The following USF3 variants were observed in gnomAD, a reference collection of about 807,000 sequenced individuals.
USF3 encodes upstream transcription factor family member 3.
In USF3, 29 loss-of-function variants were observed where a neutral mutation model predicts 157.5. That is an observed-to-expected ratio of 0.18 (90% confidence interval 0.14 to 0.25). The LOEUF is 0.25. USF3 is among the 10% of genes least tolerant of loss of function. The pLI is 1.00. For synonymous variants in USF3, 893 were observed against 941.4 expected (o/e 0.95, Z 0.94); for missense variants, 2,381 against 2,667.6 (o/e 0.89, Z 2.37).
intron 4 of USF3, 70 bp from the exon 5 acceptor site, chr3:113,670,273 AAAG>A: frequency 1.1e-6 from 1 of 894,714 alleles, no homozygotes; most frequent in South Asian, 1.3e-5. Flanking sequence ...CAACCACGGT[AAAG>A]AAGTTTTAGG....
Position 113,648,778 on chromosome 3 carries a change from G to A in USF3, c.*6166C>T, listed in dbSNP as rs1486905939. ...GAAAGCACTAAAATTAGTTTTTTTT[G>A]GGTGACTGCCCTACAGTAAGCTTCT... On this transcript the variant is annotated 3_prime_UTR_variant, in exon 7 of 7. Coordinates refer to ENST00000316407, the MANE Select transcript of USF3 (RefSeq NM_001009899.4). The A allele has an allele frequency of 1.3e-5, 2 of 152,136 alleles. No individual in the cohort carries two copies. The highest frequency in any genetic ancestry group is 4.8e-5 in the African/African-American group (2 of 41,308). The allele number at this position is 152,136 out of a possible 1,614,324, so 9.4% of individuals were successfully genotyped here.
chr3:113,683,009 TTTG>T (rs2107954689), intron 1 of USF3, among the ~76,000 whole-genome samples: 1 of 152,102 alleles, frequency 6.6e-6, no homozygotes, highest in East Asian at 1.9e-4. Context: ...CTCCCACCAT[TTTG>T]TTATTTGTTT....
At position 113,655,507 on chromosome 3, in the gene USF3, G is replaced by C. The variant is rs376015347; in HGVS notation, c.6175C>G (p.Leu2059Val). 2.4e-5 allele frequency: 38 copies of C among 1,614,010 alleles called. No homozygotes were observed. Among genetic ancestry groups the C allele is most frequent in the Admixed American group, 1.3e-4 (8 of 60,004 alleles). ...AAAGAAAAACCAAAATTTTGTGATA[G>C]TGTATGCTGGTCAGGACCTGAATTA... ...NDNSGPDQHT[L>V]SQNFGFSFIP... The change falls in exon 7 of 7, where the codon CTA becomes GTA. Residue 2059 changes from leucine to valine, a missense_variant. Leu to Val is a conservative substitution (Grantham distance 32). Transcript: ENST00000316407.
In USF3 at chr3:113,658,641, T is replaced by C. The variant is rs760706235; in HGVS notation, c.3041A>G (p.Lys1014Arg). 1.9e-6 allele frequency: 3 copies of C among 1,614,082 alleles called. No individual in the cohort carries two copies. In the South Asian group the frequency reaches 3.3e-5, roughly 18 times the overall value. Residue 1014 changes from lysine (K) to arginine (R), a missense_variant, in exon 7 of 7, where the codon AAA becomes AGA. Lys to Arg is a conservative substitution (Grantham distance 26). This residue lies in a region of USF3 where 1,435 missense variants were observed against 1,550.9 expected (regional missense o/e 0.93). Coordinates refer to ENST00000316407, the MANE Select transcript of USF3 (RefSeq NM_001009899.4). ...AAGAGATGATTTCTGAGGGTTTTTTTTTTTAGCAAGATCAGATAGCAATGT... is the reference window on the plus strand; with the variant it reads ...AAGAGATGATTTCTGAGGGTTTTTTCTTTTAGCAAGATCAGATAGCAATGT... ...LTTLLSDLAK[K>R]KNPQKSSLSD...
At chr3:113,671,859 C>G (rs1009447259) in intron 4 of USF3, among the ~76,000 whole-genome samples, 8 of 147,822 alleles carry the variant, frequency 5.4e-5, no homozygotes, top group Non-Finnish European at 8.9e-5. Flanking sequence ...GTCTTGACTT[C>G]CCAGGCTCAA....
chr3:113,656,032 C>T lies in USF3; in HGVS notation c.5650G>A (p.Gly1884Ser), dbSNP rs1389141941. The T allele has an allele frequency of 6.2e-7, 1 of 1,614,172 alleles. No homozygotes were observed. Among genetic ancestry groups the T allele is most frequent in the African/African-American group, 1.3e-5 (1 of 75,042 alleles). Residue 1884 changes from glycine to serine, a missense_variant, in exon 7 of 7, where the codon GGT (glycine) becomes AGT (serine). By Grantham distance (56) the Gly-to-Ser change is moderately conservative (BLOSUM62 0). Coordinates refer to ENST00000316407, the MANE Select transcript of USF3 (RefSeq NM_001009899.4). Reference sequence around the variant, plus strand: ...GTGCTGTTCCTGGTGTTAATTGCACCTAACGACATGTCACAACTTTCCCTA... The same window carrying T: ...GTGCTGTTCCTGGTGTTAATTGCACTTAACGACATGTCACAACTTTCCCTA... Reference protein sequence around the residue: ...QNRESCDMSLGAINTRNSTLN... With the variant: ...QNRESCDMSLSAINTRNSTLN...
chr3:113,679,009 G>GTCTCTC (rs373834496), intron 1 of USF3, among the ~76,000 whole-genome samples: 27,625 of 143,906 alleles, frequency 0.19, 2,729 homozygotes, highest in Non-Finnish European at 0.24. Flanking sequence ...CCAGGCTGGT[G>GTCTCTC]TCTCTCTCTC....
Position 113,658,248 on chromosome 3 carries a change from T to C in USF3, c.3434A>G (p.Asn1145Ser). ...GAGGCCAACTCTCCCCTTCTCAAGG[T>C]TCTCCTGGTCAAAAATAGCTCTTGC... Reference protein sequence around the residue: ...LAARAIFDQENLEKGRVGLQA... With the variant: ...LAARAIFDQESLEKGRVGLQA... Residue 1145 changes from asparagine to serine, a missense_variant, in exon 7 of 7, where the codon AAC (asparagine) becomes AGC (serine). Around this residue, in one of 6 missense-constraint regions of USF3, gnomAD observed 1,435 missense variants for 1,550.9 expected, o/e 0.93. Transcript: ENST00000316407. 2 of 1,614,140 alleles carry C rather than the reference T, an allele frequency of 1.2e-6. No individual in the cohort carries two copies. The highest frequency in any genetic ancestry group is 1.7e-6 in the Non-Finnish European group (2 of 1,180,006).
Position 113,656,651 on chromosome 3 carries a change from T to C in USF3, c.5031A>G (p.Thr1677=). 1 of 1,614,210 alleles carries C rather than the reference T, an allele frequency of 6.2e-7. No homozygotes were observed. The highest frequency in any genetic ancestry group is 8.5e-7 in the Non-Finnish European group (1 of 1,180,030). Residue 1677 remains threonine, a synonymous_variant, in exon 7 of 7, where the codon ACA becomes ACG. Transcript: ENST00000316407. ...CCATTCTCTGCTCTGAATTAGAAGA[T>C]GTCTTTCCAATGAGTGCCTCAGCAG... ...SYSAEALIGK[T]SSNSEQRMGI...
intron 1 of USF3, among the ~76,000 whole-genome samples, chr3:113,678,339 AT>A (rs888496564): frequency 5.5e-4 from 82 of 149,994 alleles, no homozygotes; most frequent in South Asian, 2.5e-3. Context: ...CATCTAGAGT[AT>A]TTTTTTTTTC....
intron 4 of USF3, among the ~76,000 whole-genome samples, chr3:113,672,942 C>G (rs1056258638): frequency 1.3e-5 from 2 of 152,200 alleles, no homozygotes; most frequent in African/African-American, 2.4e-5. Flanking sequence ...TAAGACTGTT[C>G]ACATTACAAG....
chr3:113,677,766 C>T (rs1294505097), intron 1 of USF3, among the ~76,000 whole-genome samples: 1 of 152,192 alleles, frequency 6.6e-6, no homozygotes, highest in Non-Finnish European at 1.5e-5. Flanking sequence ...AATTATCTTT[C>T]CTTCAATTTC....
rs768931969 is a variant in USF3 at position 113,659,597 on chromosome 3, G to A, written c.2085C>T (p.Thr695=). 20 of 1,613,916 alleles carry A rather than the reference G, an allele frequency of 1.2e-5. No individual in the cohort carries two copies. Among genetic ancestry groups the A allele is most frequent in the Admixed American group, 6.7e-5 (4 of 60,008 alleles). The change falls in exon 7 of 7, where the codon ACC becomes ACT. Residue 695 remains threonine, a synonymous_variant. Coordinates refer to ENST00000316407, the MANE Select transcript of USF3 (RefSeq NM_001009899.4). The stretch of plus-strand genomic sequence containing the variant: ...CAACATTGGTATTTGGATCTTCGCT[G>A]GTGGTGGGTTGAATAATTTGCATAG... ...QTPMQIIQPT[T]SEDPNTNVAL... is the part of the protein sequence containing the mutation.
At position 113,657,994 on chromosome 3, in the gene USF3, T is replaced by C. The variant is rs1421374895; in HGVS notation, c.3688A>G (p.Thr1230Ala). 1.9e-6 allele frequency: 3 copies of C among 1,614,192 alleles called. No homozygotes were observed. Among genetic ancestry groups the C allele is most frequent in the Non-Finnish European group, 2.5e-6 (3 of 1,180,036 alleles). ...CTGGTGATGCTTGGTGGCTGAGAAGTTGAATCCTGTAAAGATGCATTTGAT... is the reference window on the plus strand; with the variant it reads ...CTGGTGATGCTTGGTGGCTGAGAAGCTGAATCCTGTAAAGATGCATTTGAT... ...KTSNASLQDS[T>A]SQPPSITSLS... Residue 1230 changes from threonine to alanine, a missense_variant, in exon 7 of 7, where the codon ACT becomes GCT. Around this residue, in one of 6 missense-constraint regions of USF3, gnomAD observed 1,435 missense variants for 1,550.9 expected, o/e 0.93. Transcript: ENST00000316407.
At chr3:113,665,875 T>C (rs1476145636) in intron 5 of USF3, among the ~76,000 whole-genome samples, 2 of 151,176 alleles carry the variant, frequency 1.3e-5, no homozygotes, top group East Asian at 3.9e-4. Flanking sequence ...GATTTTGTAT[T>C]TCCTTACATT....
At position 113,655,517 on chromosome 3, in the gene USF3, G is replaced by A; in HGVS notation, c.6165C>T (p.Asp2055=). The A allele has an allele frequency of 6.2e-7, 1 of 1,614,114 alleles. No individual in the cohort carries two copies. Among genetic ancestry groups the A allele is most frequent in the Non-Finnish European group, 8.5e-7 (1 of 1,180,008 alleles). Residue 2055 remains aspartate, a synonymous_variant, in exon 7 of 7, where the codon GAC becomes GAT. Transcript: ENST00000316407. ...CAAAATTTTGTGATAGTGTATGCTG[G>A]TCAGGACCTGAATTATCATTAGGTA... is the stretch of plus-strand genomic sequence containing the variant. ...PQVPNDNSGP[D]QHTLSQNFGF...
In USF3 at chr3:113,659,545, T is replaced by C; in HGVS notation, c.2137A>G (p.Ser713Gly). The C allele has an allele frequency of 6.2e-7, 1 of 1,614,200 alleles. No homozygotes were observed. Among genetic ancestry groups the C allele is most frequent in the Non-Finnish European group, 8.5e-7 (1 of 1,180,018 alleles). The change falls in exon 7 of 7, where the codon AGC (serine) becomes GGC (glycine). Residue 713 changes from serine to glycine, a missense_variant. Physicochemically the swap from Ser to Gly is moderately conservative, Grantham distance 56. Around this residue, in one of 6 missense-constraint regions of USF3, gnomAD observed 1,435 missense variants for 1,550.9 expected, o/e 0.93. Transcript: ENST00000316407. ...ATCTGTGATATGCTTTGATTGAGGC[T>C]GGCCAAAGCACCAAATGTATTCAGG... is the stretch of plus-strand genomic sequence containing the variant. ...VALNTFGALA[S>G]LNQSISQMAG...
chr3:113,662,775 A>G lies in USF3; in HGVS notation c.257-1350T>C, dbSNP rs1052242241. On this transcript the variant is annotated intron_variant, in intron 6 of 6. Coordinates refer to ENST00000316407, the MANE Select transcript of USF3 (RefSeq NM_001009899.4). ...AGCAATTACTCTGTGCTAGGCTTTA[A>G]TCTAAGTTCTTGTATTATCTCTTTT... Among the ~76,000 whole-genome samples, 3 of 152,312 alleles carry G rather than the reference A, an allele frequency of 2.0e-5. No individual in the cohort carries two copies. In the East Asian group the frequency reaches 5.8e-4, roughly 29 times the overall value.
intron 2 of USF3, among the ~76,000 whole-genome samples, chr3:113,675,547 C>A (rs1305426499): frequency 6.6e-6 from 1 of 152,002 alleles, no homozygotes; most frequent in African/African-American, 2.4e-5. Flanking sequence ...TGGAAAAGGC[C>A]AGAAAGCAAA....
Sources: gnomAD v4.1 joint callset for allele counts (sites outside exome capture counted in the v4.1 genomes callset) on GRCh38, gnomAD v4.1.1 for gene constraint, gnomAD v4.1.1 regional missense constraint, MANE v1.5 for transcripts, NCBI Gene and HGNC (gene_info 2026-07-23, HGNC 2026-07-21) for gene names.